MAPK8: variants seen among roughly 807,000 people sequenced by gnomAD.
MAPK8 encodes mitogen-activated protein kinase 8.
A neutral mutation model predicts 52.9 loss-of-function variants in MAPK8; 13 were observed. That is an observed-to-expected ratio of 0.25 (90% confidence interval 0.16 to 0.39). The LOEUF is 0.39. MAPK8 is among the 10% of genes least tolerant of loss of function. MAPK8 has a pLI of 1.00. For missense variants in MAPK8, 300 were observed against 519.2 expected, an observed-to-expected ratio of 0.58 and a Z score of 4.10; for synonymous variants, 191 against 169.8, an observed-to-expected ratio of 1.12 and a Z score of -0.97.
At chr10:48,318,497 C>G (rs555201421) in intron 1 of MAPK8, among the ~76,000 whole-genome samples, 1 of 152,274 alleles carries the variant, frequency 6.6e-6, no homozygotes, top group African/African-American at 2.4e-5. Flanking sequence ...GAGTGTGTAA[C>G]TGGCCACAGG....
At position 48,435,238 on chromosome 10, in the gene MAPK8, T is replaced by A; in HGVS notation, c.*209T>A. 2.2e-6 allele frequency: 1 copy of A among 446,594 alleles called. No individual in the cohort carries two copies. Among genetic ancestry groups the A allele is most frequent in the Non-Finnish European group, 3.9e-6 (1 of 255,332 alleles). The allele number at this position is 446,594 out of a possible 1,614,324, so 27.7% of individuals were successfully genotyped here. ...TCAAAACAGCAACAAAACTGTATTG[T>A]ATTTTTTTTGCTGTAATTAACTGTA... On this transcript the variant is annotated 3_prime_UTR_variant, in exon 12 of 12. Transcript: ENST00000374189.
intron 1 of MAPK8, among the ~76,000 whole-genome samples, chr10:48,391,104 A>G (rs2041598104): frequency 6.6e-6 from 1 of 152,222 alleles, no homozygotes; most frequent in South Asian, 2.1e-4. Context: ...AGGGAAATGA[A>G]CAAATGAGAT....
chr10:48,333,312 A>G (rs1267005683), intron 1 of MAPK8, among the ~76,000 whole-genome samples: 4 of 152,200 alleles, frequency 2.6e-5, no homozygotes. Flanking sequence ...ATTCCTGACT[A>G]GGTGTGGGGT....
Position 48,401,714 on chromosome 10 carries a change from T to G in MAPK8, c.54T>G (p.Ser18=), listed in dbSNP as rs2042169167. The G allele has an allele frequency of 1.2e-6, 2 of 1,602,808 alleles. No homozygotes were observed. The highest frequency in any genetic ancestry group is 2.7e-5 in the African/African-American group (2 of 74,012). The change falls in exon 2 of 12, where the codon TCT becomes TCG. Residue 18 remains serine (S), a synonymous_variant. Coordinates refer to ENST00000374189, the MANE Select transcript of MAPK8 (RefSeq NM_001323329.2). ...TTTATAGTGTAGAGATTGGAGATTC[T>G]ACATTCACAGTCCTGAAACGATATC... ...NNFYSVEIGD[S]TFTVLKRYQN... is the part of the protein sequence containing the mutation.
At chr10:48,371,731 A>G (rs1194979447) in intron 1 of MAPK8, among the ~76,000 whole-genome samples, 1 of 152,106 alleles carries the variant, frequency 6.6e-6, no homozygotes, top group East Asian at 1.9e-4. Context: ...TCAGTCCCAC[A>G]ACACTGCCCC....
chr10:48,330,652 AC>A (rs1844042882), intron 1 of MAPK8, among the ~76,000 whole-genome samples: 1 of 152,196 alleles, frequency 6.6e-6, no homozygotes, highest in African/African-American at 2.4e-5. Context: ...AGGCAGGCAC[AC>A]CCGGGGCAGG....
At chr10:48,329,632 G>GT (rs1843910600) in intron 1 of MAPK8, among the ~76,000 whole-genome samples, 1 of 152,144 alleles carries the variant, frequency 6.6e-6, no homozygotes, top group South Asian at 2.1e-4. Context: ...CTAAATGTGT[G>GT]TAACTGTTTT....
intron 1 of MAPK8, among the ~76,000 whole-genome samples, chr10:48,325,676 A>C (rs762714402): frequency 1.3e-5 from 2 of 152,206 alleles, no homozygotes; most frequent in African/African-American, 2.4e-5. Flanking sequence ...ATTATTAACT[A>C]AAATCCATAG....
chr10:48,345,851 T>C (rs989358085), intron 1 of MAPK8, among the ~76,000 whole-genome samples: 2 of 152,184 alleles, frequency 1.3e-5, no homozygotes, highest in African/African-American at 4.8e-5. Flanking sequence ...TGATGCTCTT[T>C]AGCTGGGGAC....
intron 5 of MAPK8, among the ~76,000 whole-genome samples, chr10:48,414,742 ATTTTTAT>A (rs2042970461): frequency 6.6e-6 from 1 of 151,486 alleles, no homozygotes; most frequent in Non-Finnish European, 1.5e-5. Context: ...TGCCTGGCAA[ATTTTTAT>A]TTTTTATTTT....
At position 48,437,552 on chromosome 10, in the gene MAPK8, T is replaced by G. The variant is rs1244453921; in HGVS notation, c.*2523T>G. On this transcript the variant is annotated 3_prime_UTR_variant, in exon 12 of 12. Transcript: ENST00000374189. ...AAGAGATGCTAATTCTGTACCAATGTCTTCCTGGTTACTATTCTCTTCCCT... is the reference window on the plus strand; with the variant it reads ...AAGAGATGCTAATTCTGTACCAATGGCTTCCTGGTTACTATTCTCTTCCCT... 6.6e-6 allele frequency: 1 copy of G among 152,228 alleles called. No homozygotes were observed. Among genetic ancestry groups the G allele is most frequent in the Non-Finnish European group, 1.5e-5 (1 of 68,030 alleles). 9.4% of individuals were successfully genotyped at this position (152,228 alleles called of 1,614,324 possible).
chr10:48,390,356 C>G (rs1365999821), intron 1 of MAPK8, among the ~76,000 whole-genome samples: 1 of 152,094 alleles, frequency 6.6e-6, no homozygotes, highest in Non-Finnish European at 1.5e-5. Flanking sequence ...GTGTCCTAGG[C>G]AAGTTGATGC....
intron 1 of MAPK8, among the ~76,000 whole-genome samples, chr10:48,379,489 GAA>G (rs900750710): frequency 1.3e-4 from 20 of 152,168 alleles, no homozygotes; most frequent in African/African-American, 4.6e-4. Context: ...CATAAAATAA[GAA>G]TATTCACAAA....
chr10:48,380,608 C>T (rs1187835668), intron 1 of MAPK8, among the ~76,000 whole-genome samples: 1 of 152,130 alleles, frequency 6.6e-6, no homozygotes, highest in African/African-American at 2.4e-5. Context: ...GTGGCATGCA[C>T]CTGAATGTGA....
rs147673874 is a variant in MAPK8 at position 48,434,998 on chromosome 10, C to T, written c.1253C>T (p.Ala418Val). The T allele has an allele frequency of 1.9e-5, 30 of 1,607,050 alleles. No individual in the cohort carries two copies. Among genetic ancestry groups the T allele is most frequent in the Non-Finnish European group, 2.4e-5 (28 of 1,177,756 alleles). Residue 418 changes from alanine (A) to valine (V), a missense_variant, in exon 12 of 12, where the codon GCA (alanine) becomes GTA (valine). By Grantham distance (64) the Ala-to-Val change is moderately conservative. Around this residue, in one of 3 missense-constraint regions of MAPK8, gnomAD observed 119 missense variants for 154.4 expected, o/e 0.77. Transcript: ENST00000374189. ...LASDTDSSLE[A>V]AAGPLGCCR ...TCTGATACAGACAGCAGTCTAGAAG[C>T]AGCAGCTGGGCCTCTGGGCTGCTGT...
intron 6 of MAPK8, among the ~76,000 whole-genome samples, chr10:48,422,811 TC>T (rs2043442795): frequency 6.6e-6 from 1 of 152,192 alleles, no homozygotes; most frequent in South Asian, 2.1e-4. Context: ...AAACTTTAGT[TC>T]CACAGTATTT....
chr10:48,409,707 C>T (rs910752812), intron 3 of MAPK8, among the ~76,000 whole-genome samples, 172 bp from the exon 4 acceptor site: 10 of 152,194 alleles, frequency 6.6e-5, no homozygotes, highest in African/African-American at 2.4e-4. Context: ...CCTCCTCCAA[C>T]TCCTGCCCAT....
chr10:48,424,654 C>A, intron 7 of MAPK8: 2 of 1,021,254 alleles, frequency 2.0e-6, no homozygotes, highest in South Asian at 3.4e-5. Context: ...TCAGTTTGGT[C>A]AGGTATAATG....
Position 48,392,154 on chromosome 10 carries a change from A to G in MAPK8, c.-49-9458A>G, listed in dbSNP as rs570684307. ...AGAAACCCACAAGCCTGTCTGTCCA[A>G]ATTCTTCTTAGCCTTTCTGTGCAGC... On this transcript the variant is annotated intron_variant, in intron 1 of 11. Transcript: ENST00000374189. 2.0e-4 allele frequency among the ~76,000 whole-genome samples: 31 copies of G among 152,272 alleles called. 1 individual carries two copies. The East Asian group carries it at 5.8e-3, about 28-fold the overall frequency.
Sources: gnomAD v4.1 joint callset for allele counts (sites outside exome capture counted in the v4.1 genomes callset) on GRCh38, gnomAD v4.1.1 for gene constraint, gnomAD v4.1.1 regional missense constraint, MANE v1.5 for transcripts, NCBI Gene and HGNC (gene_info 2026-07-23, HGNC 2026-07-21) for gene names.